Variants in NBEA observed in about 807,000 individuals in gnomAD.
NBEA encodes neurobeachin.
A neutral mutation model predicts 343.4 loss-of-function variants in NBEA; 44 were observed. That is an observed-to-expected ratio of 0.13 (90% CI 0.10 to 0.16). NBEA has a LOEUF of 0.16. Ranked by LOEUF, NBEA falls within the 10% of genes least tolerant of loss-of-function variation. The probability of loss-of-function intolerance (pLI) is 1.00; values close to 1 mark genes in which losing one functional copy is unlikely to be tolerated. For missense variants in NBEA, 2,555 were observed against 3,631.3 expected (o/e 0.70, Z 7.62); for synonymous variants, 1,175 against 1,238.7 (o/e 0.95, Z 1.08).
chr13:35,409,634 C>G (rs190093254), intron 38 of NBEA, among the ~76,000 whole-genome samples: 252 of 152,090 alleles, frequency 1.7e-3, no homozygotes, highest in African/African-American at 5.4e-3. Flanking sequence ...CATACTTTAA[C>G]CAAATGGTTC....
At chr13:35,171,492 C>G in intron 26 of NBEA, 40 bp downstream of exon 26, 5 of 1,530,598 alleles carry the variant, frequency 3.3e-6, no homozygotes, top group Non-Finnish European at 4.5e-6. Context: ...AAATAATTAT[C>G]TACAGAGCAG....
chr13:35,202,984 A>T (rs1373788046), intron 31 of NBEA, among the ~76,000 whole-genome samples: 2 of 152,114 alleles, frequency 1.3e-5, no homozygotes, highest in Admixed American at 1.3e-4. Flanking sequence ...CCAAAATTTG[A>T]ATCACTTCTC....
intron 48 of NBEA, among the ~76,000 whole-genome samples, chr13:35,613,276 T>TACATA (rs1273464634): frequency 6.7e-6 from 1 of 150,322 alleles, no homozygotes; most frequent in East Asian, 1.9e-4. Flanking sequence ...TTAGATTCCA[T>TACATA]ACATAAGTGA....
At chr13:35,227,472 T>C (rs1246028793) in intron 33 of NBEA, among the ~76,000 whole-genome samples, 1 of 152,078 alleles carries the variant, frequency 6.6e-6, no homozygotes, top group Non-Finnish European at 1.5e-5. Flanking sequence ...ATGCCTACAT[T>C]TCCTCATTTA....
rs528842358 is a variant in NBEA at position 35,251,662 on chromosome 13, G to A, written c.5776+19043G>A. ...GGAAAAGGATGAGCAGCAGAAAGAG[G>A]CGGCTATCATCTCTGCCTATGATAT... On this transcript the variant is annotated intron_variant, in intron 34 of 58. Transcript: ENST00000379939. 2.2e-5 allele frequency: 17 copies of A among 784,484 alleles called. No individual in the cohort carries two copies. In the African/African-American group the frequency reaches 2.7e-4, roughly 13 times the overall value. 48.6% of individuals were successfully genotyped at this position (784,484 alleles called of 1,614,324 possible). A position where few individuals can be genotyped will look rare whatever the true frequency, so the allele number is the denominator to read the frequency against.
chr13:35,441,416 C>T (rs1169142052), intron 39 of NBEA, among the ~76,000 whole-genome samples: 1 of 152,056 alleles, frequency 6.6e-6, no homozygotes, highest in Non-Finnish European at 1.5e-5. Context: ...GCAAAACCAC[C>T]ATTCATTTTT....
At chr13:35,301,332 C>A (rs773631833) in intron 35 of NBEA, among the ~76,000 whole-genome samples, 1 of 152,042 alleles carries the variant, frequency 6.6e-6, no homozygotes, top group Non-Finnish European at 1.5e-5. Flanking sequence ...AATGCTCCCC[C>A]TCCTCTTTCC....
At chr13:35,525,553 CAATAAATA>C (rs532623658) in intron 41 of NBEA, among the ~76,000 whole-genome samples, 2,333 of 151,648 alleles carry the variant, frequency 0.015, 49 homozygotes, top group Non-Finnish European at 0.016. Flanking sequence ...GATTCCATCT[CAATAAATA>C]AATAAATAAA....
chr13:35,571,807 C>A (rs986099245), intron 45 of NBEA, among the ~76,000 whole-genome samples: 1 of 152,054 alleles, frequency 6.6e-6, no homozygotes, highest in Admixed American at 6.6e-5. Flanking sequence ...ATTATCAAAA[C>A]TGTAACATCA....
intron 39 of NBEA, 98 bp downstream of exon 39, chr13:35,432,491 T>C (rs1323322600): frequency 9.1e-7 from 1 of 1,103,538 alleles, no homozygotes; most frequent in Admixed American, 3.1e-5. Context: ...TATTTAATGT[T>C]CTCCATGTCT....
At chr13:35,404,253 G>C (rs1476726155) in intron 38 of NBEA, among the ~76,000 whole-genome samples, 1 of 151,956 alleles carries the variant, frequency 6.6e-6, no homozygotes, top group Non-Finnish European at 1.5e-5. Flanking sequence ...CCATTACTGG[G>C]TATATACCCA....
At chr13:35,454,783 C>A (rs2046476407) in intron 40 of NBEA, among the ~76,000 whole-genome samples, 1 of 152,022 alleles carries the variant, frequency 6.6e-6, no homozygotes, top group African/African-American at 2.4e-5. Flanking sequence ...TGGCATGAAC[C>A]CGGGAGGCAG....
chr13:35,202,341 ATGTATTATT>A (rs754929971), intron 31 of NBEA, among the ~76,000 whole-genome samples: 211 of 152,278 alleles, frequency 1.4e-3, no homozygotes, highest in Admixed American at 2.3e-3. Context: ...GGCATGGGGC[ATGTATTATT>A]TGTCTTGTGT....
chr13:35,394,124 G>A (rs149131703), intron 38 of NBEA, among the ~76,000 whole-genome samples: 82 of 152,236 alleles, frequency 5.4e-4, no homozygotes, highest in Admixed American at 9.8e-4. Context: ...CAGAAAAGCA[G>A]AGACTTTATT....
At chr13:35,148,828 G>C (rs1437641554) in intron 18 of NBEA, among the ~76,000 whole-genome samples, 3 of 152,140 alleles carry the variant, frequency 2.0e-5, no homozygotes, top group Non-Finnish European at 4.4e-5. Flanking sequence ...ACTCAAATCT[G>C]TTGTAGCTCA....
At chr13:35,510,838 T>C (rs367798442) in intron 41 of NBEA, among the ~76,000 whole-genome samples, 1 of 152,294 alleles carries the variant, frequency 6.6e-6, no homozygotes, top group African/African-American at 2.4e-5. Flanking sequence ...TATTAACTTA[T>C]CTAAAAGCTA....
chr13:35,304,339 G>A (rs1047666361), intron 35 of NBEA, among the ~76,000 whole-genome samples: 1 of 151,790 alleles, frequency 6.6e-6, no homozygotes, highest in African/African-American at 2.4e-5. Context: ...CTCTGTGTGT[G>A]TGTGTGTGTG....
intron 40 of NBEA, among the ~76,000 whole-genome samples, chr13:35,455,851 G>A (rs2322665): frequency 0.98 from 148,668 of 152,122 alleles, 72,733 homozygotes; most frequent in East Asian, 1. Context: ...ATATTTCCTT[G>A]CAAATACATA....
chr13:35,208,785 C>G lies in NBEA; in HGVS notation c.5452C>G (p.Pro1818Ala). ...AGCCACTACTGCTGGAAGTGGGCTG[C>G]CAACAGGCAGTACCTCTAATATATT... Reference protein sequence around the residue: ...VGATTAGSGLPTGSTSNIFAA... With the variant: ...VGATTAGSGLATGSTSNIFAA... The change falls in exon 32 of 59, where the codon CCA (proline) becomes GCA (alanine). Residue 1818 changes from proline (P) to alanine (A), a missense_variant. Around this residue, in one of 21 missense-constraint regions of NBEA, gnomAD observed 270 missense variants for 293.3 expected, o/e 0.92. Transcript: ENST00000379939. 2 of 1,610,798 alleles carry G rather than the reference C, an allele frequency of 1.2e-6. No homozygotes were observed. The highest frequency in any genetic ancestry group is 1.7e-6 in the Non-Finnish European group (2 of 1,178,112).
Sources: allele counts gnomAD v4.1 joint callset (sites outside exome capture counted in the v4.1 genomes callset), GRCh38; gene constraint gnomAD v4.1.1; regional missense constraint gnomAD v4.1.1; transcripts MANE v1.5; gene names NCBI Gene and HGNC (gene_info 2026-07-23, HGNC 2026-07-21).